NRG1: variants seen among roughly 807,000 people sequenced by gnomAD.
NRG1 encodes neuregulin 1.
NRG1 carries 18 observed loss-of-function variants against 63.8 expected under a neutral mutation model. The observed-to-expected ratio is 0.28, with a 90% CI of 0.19 to 0.42. NRG1 has a LOEUF of 0.42. Ranked by LOEUF, NRG1 falls within the 10% of genes least tolerant of loss-of-function variation. The pLI is 1.00. For synonymous variants in NRG1, 302 were observed against 301.3 expected (o/e 1.00, Z -0.02); for missense variants, 762 against 814.7 (o/e 0.94, Z 0.79).
chr8:32,251,770 T>C (rs1190902747), intron 1 of NRG1, among the ~76,000 whole-genome samples: 1 of 152,194 alleles, frequency 6.6e-6, no homozygotes, highest in African/African-American at 2.4e-5. Flanking sequence ...TGGTATCTCA[T>C]TGTGGTTTTG....
chr8:32,020,313 T>C (rs1816228337), intron 1 of NRG1, among the ~76,000 whole-genome samples: 1 of 152,224 alleles, frequency 6.6e-6, no homozygotes, highest in Non-Finnish European at 1.5e-5. Context: ...ATGAAATTCA[T>C]GGATATGAAA....
At chr8:31,876,768 G>A (rs771598281) in intron 1 of NRG1, among the ~76,000 whole-genome samples, 9 of 152,020 alleles carry the variant, frequency 5.9e-5, no homozygotes, top group Non-Finnish European at 1.2e-4. Context: ...CTTAAAGAAG[G>A]GTACCACATT....
At chr8:32,711,977 G>A (rs1483492678) in intron 5 of NRG1, among the ~76,000 whole-genome samples, 2 of 152,164 alleles carry the variant, frequency 1.3e-5, no homozygotes, top group Non-Finnish European at 2.9e-5. Flanking sequence ...CACCCAGTAA[G>A]TTGGATAACG....
intron 1 of NRG1, among the ~76,000 whole-genome samples, chr8:32,169,425 A>G (rs1286891600): frequency 6.6e-6 from 1 of 152,246 alleles, no homozygotes; most frequent in Admixed American, 6.5e-5. Flanking sequence ...GGACAAAACT[A>G]TTTGAGAACA....
intron 1 of NRG1, among the ~76,000 whole-genome samples, chr8:31,900,664 A>G (rs1831999320): frequency 6.6e-6 from 1 of 152,198 alleles, no homozygotes; most frequent in African/African-American, 2.4e-5. Context: ...CTTCTTTTGT[A>G]AACTACATCC....
At chr8:32,645,028 G>C (rs530163191) in intron 5 of NRG1, among the ~76,000 whole-genome samples, 11 of 152,106 alleles carry the variant, frequency 7.2e-5, no homozygotes, top group African/African-American at 2.6e-4. Flanking sequence ...AATAGTTTTG[G>C]TTTAGGTCAA....
chr8:32,138,549 C>T (rs1448061169), intron 1 of NRG1, among the ~76,000 whole-genome samples: 1 of 151,774 alleles, frequency 6.6e-6, no homozygotes, highest in Non-Finnish European at 1.5e-5. Flanking sequence ...CTGTGACTGG[C>T]AGGAGGCTCA....
chr8:32,223,623 C>T (rs1002303941), intron 1 of NRG1, among the ~76,000 whole-genome samples: 1 of 152,106 alleles, frequency 6.6e-6, no homozygotes, highest in Non-Finnish European at 1.5e-5. Flanking sequence ...ATCTGATGCA[C>T]TGTTGTGTAT....
At chr8:32,284,572 C>T (rs1853302353) in intron 1 of NRG1, among the ~76,000 whole-genome samples, 3 of 149,544 alleles carry the variant, frequency 2.0e-5, no homozygotes, top group Non-Finnish European at 4.4e-5. Context: ...GCTCTGTCAC[C>T]CAGGCTAGAG....
chr8:32,705,276 C>A (rs1003959953), intron 5 of NRG1, among the ~76,000 whole-genome samples: 3 of 152,002 alleles, frequency 2.0e-5, no homozygotes, highest in African/African-American at 7.2e-5. Flanking sequence ...GGACTACAGG[C>A]TCCAGCCACC....
intron 1 of NRG1, among the ~76,000 whole-genome samples, chr8:31,984,864 T>C (rs551035902): frequency 1.3e-5 from 2 of 152,250 alleles, no homozygotes; most frequent in African/African-American, 4.8e-5. Context: ...ATTTTGAATC[T>C]TTGCAGCTCT....
intron 1 of NRG1, among the ~76,000 whole-genome samples, chr8:31,696,544 C>T (rs762600212): frequency 1.3e-5 from 2 of 152,166 alleles, no homozygotes; most frequent in Non-Finnish European, 2.9e-5. Flanking sequence ...TACACAGTAC[C>T]TGATACTAGG....
intron 1 of NRG1, among the ~76,000 whole-genome samples, chr8:31,734,891 C>T (rs1361300785): frequency 2.6e-5 from 4 of 152,100 alleles, no homozygotes; most frequent in Non-Finnish European, 2.9e-5. Flanking sequence ...CTCCCTCTTT[C>T]CTGCTTCCAG....
At chr8:32,640,479 T>C (rs1183867628) in intron 5 of NRG1, among the ~76,000 whole-genome samples, 1 of 152,110 alleles carries the variant, frequency 6.6e-6, no homozygotes, top group Non-Finnish European at 1.5e-5. Flanking sequence ...CACAAGTGCA[T>C]GGTCTTATGG....
At chr8:31,858,638 T>G (rs934164588) in intron 1 of NRG1, among the ~76,000 whole-genome samples, 1 of 152,262 alleles carries the variant, frequency 6.6e-6, no homozygotes, top group East Asian at 1.9e-4. Flanking sequence ...CACTGCTTGG[T>G]GGTCTGCTGC....
At chr8:32,144,479 C>T (rs1334211086) in intron 1 of NRG1, among the ~76,000 whole-genome samples, 1 of 152,026 alleles carries the variant, frequency 6.6e-6, no homozygotes, top group Non-Finnish European at 1.5e-5. Flanking sequence ...AGAATGTGGC[C>T]AGAGGTTTGC....
chr8:32,026,641 A>C (rs1008578963), intron 1 of NRG1, among the ~76,000 whole-genome samples: 5 of 152,192 alleles, frequency 3.3e-5, no homozygotes, highest in Non-Finnish European at 7.4e-5. Context: ...AAGATGCCTA[A>C]AAATAAGTTA....
At chr8:32,216,195 A>T (rs1036633904) in intron 1 of NRG1, among the ~76,000 whole-genome samples, 1 of 150,190 alleles carries the variant, frequency 6.7e-6, no homozygotes, top group Non-Finnish European at 1.5e-5. Context: ...TTATTGTGTT[A>T]TTATAACATA....
intron 5 of NRG1, among the ~76,000 whole-genome samples, chr8:32,723,675 C>A (rs1411939019): frequency 9.8e-6 from 1 of 102,430 alleles, no homozygotes; most frequent in Non-Finnish European, 1.7e-5. Context: ...GGCAACAGAG[C>A]TAGACTCCAT....
Sources: gnomAD v4.1 joint callset for allele counts (sites outside exome capture counted in the v4.1 genomes callset) on GRCh38, gnomAD v4.1.1 for gene constraint, MANE v1.5 for transcripts, NCBI Gene and HGNC (gene_info 2026-07-23, HGNC 2026-07-21) for gene names.